The following CHRNB3 variants were observed in gnomAD, a reference collection of about 807,000 sequenced individuals.
CHRNB3 encodes cholinergic receptor nicotinic beta 3 subunit.
A neutral mutation model predicts 40.6 loss-of-function variants in CHRNB3; 37 were observed. The ratio of observed to expected loss-of-function variants is 0.91; its 90% CI spans 0.70 to 1.20. The LOEUF is 1.20. Ranked by LOEUF, CHRNB3 falls within the 50% of genes most tolerant of loss-of-function variation. The probability of loss-of-function intolerance (pLI) is 0.00; values close to 1 mark genes in which losing one functional copy is unlikely to be tolerated. For synonymous variants in CHRNB3, 207 were observed against 207.1 expected (o/e 1.00, Z 0.00); for missense variants, 505 against 551.2 (o/e 0.92, Z 0.84).
intron 3 of CHRNB3, among the ~76,000 whole-genome samples, chr8:42,722,884 G>A (rs1356638730): frequency 6.6e-6 from 1 of 152,048 alleles, no homozygotes; most frequent in Admixed American, 6.6e-5. Flanking sequence ...TTGGGGGAGG[G>A]ATGGCTTTAA....
At chr8:42,712,376 A>T (rs1816030987) in intron 3 of CHRNB3, among the ~76,000 whole-genome samples, 1 of 152,154 alleles carries the variant, frequency 6.6e-6, no homozygotes, top group African/African-American at 2.4e-5. Flanking sequence ...AATGCTTTAT[A>T]AGGAGCAATG....
chr8:42,733,597 T>A (rs1007865725), intron 5 of CHRNB3, among the ~76,000 whole-genome samples: 3 of 5,800 alleles, frequency 5.2e-4, no homozygotes, highest in African/African-American at 1.0e-3. Context: ...TTCTTCTTTT[T>A]TTTTTTTTTT....
chr8:42,720,044 T>C (rs62518197), intron 3 of CHRNB3, among the ~76,000 whole-genome samples: 8,608 of 148,022 alleles, frequency 0.058, 319 homozygotes, highest in Middle Eastern at 0.11. Context: ...CCAGCACCTT[T>C]CCACAGGCAG....
chr8:42,730,677 G>A lies in CHRNB3; in HGVS notation c.333G>A (p.Trp111Ter). Residue 111 changes from tryptophan (W) to a stop codon, truncating the protein, a stop_gained, in exon 4 of 6, where the codon TGG (tryptophan) becomes TGA (stop). Coordinates refer to ENST00000289957, the MANE Select transcript of CHRNB3 (RefSeq NM_000749.5). LOFTEE classifies it high-confidence loss of function. ...HSIKVPSESL[W>*]LPDIVLFENA... ...TTAAAGTTCCATCAGAATCTCTGTG[G>A]CTTCCTGACATAGTTCTCTTTGAAA... The A allele has an allele frequency of 6.2e-7, 1 of 1,605,078 alleles. No homozygotes were observed.
intron 3 of CHRNB3, chr8:42,726,318 C>T: frequency 1.8e-6 from 1 of 557,806 alleles, no homozygotes; most frequent in East Asian, 2.9e-5. Flanking sequence ...AAATAAAACG[C>T]TCCACTTGCA....
intron 3 of CHRNB3, chr8:42,726,178 C>A (rs1586406768): frequency 7.9e-7 from 1 of 1,268,750 alleles, no homozygotes; most frequent in Non-Finnish European, 1.1e-6. Context: ...TCCTCATTTT[C>A]AGGAGATTTT....
At chr8:42,734,760 G>A (rs889640061) in intron 5 of CHRNB3, among the ~76,000 whole-genome samples, 13 of 151,766 alleles carry the variant, frequency 8.6e-5, no homozygotes, top group Non-Finnish European at 1.2e-4. Flanking sequence ...TTTCTCTTGC[G>A]TTCACAGACA....
At position 42,728,861 on chromosome 8, in the gene CHRNB3, G is replaced by A. The variant is rs181818299; in HGVS notation, c.250-1733G>A. On this transcript the variant is annotated intron_variant, in intron 3 of 5. Transcript: ENST00000289957. ...TAAATTTTTACGAAGTGCATAAAGT[G>A]GAATTGAAACAAACCACAAATGCTA... is the stretch of plus-strand genomic sequence containing the variant. Among the ~76,000 whole-genome samples, 127 of 152,220 alleles carry A rather than the reference G, an allele frequency of 8.3e-4. 6 individuals carry two copies. In the South Asian group the frequency reaches 0.026, roughly 31 times the overall value.
intron 1 of CHRNB3, chr8:42,699,589 T>A (rs893840674): frequency 1.3e-5 from 2 of 152,140 alleles, no homozygotes; most frequent in Non-Finnish European, 2.9e-5. Flanking sequence ...TGAAACTCCG[T>A]TTCTACTAAA....
In CHRNB3 at chr8:42,730,592, A is replaced by G. The variant is rs899994444; in HGVS notation, c.250-2A>G. ...AAATCACAGTGTACTAATTTCATGC[A>G]GGAATGGACAGACCACAAGTTACGC... On this transcript the variant is annotated splice_acceptor_variant, in intron 3 of 5. Coordinates refer to ENST00000289957, the MANE Select transcript of CHRNB3 (RefSeq NM_000749.5). LOFTEE classifies it high-confidence loss of function. 2 of 1,551,628 alleles carry G rather than the reference A, an allele frequency of 1.3e-6. No individual in the cohort carries two copies. The highest frequency in any genetic ancestry group is 1.2e-5 in the South Asian group (1 of 83,652).
At chr8:42,718,535 T>C (rs1816160249) in intron 3 of CHRNB3, among the ~76,000 whole-genome samples, 1 of 151,878 alleles carries the variant, frequency 6.6e-6, no homozygotes, top group African/African-American at 2.4e-5. Flanking sequence ...TAGCCGGGCA[T>C]GGTGGCAGGT....
At chr8:42,729,387 G>A (rs572279433) in intron 3 of CHRNB3, among the ~76,000 whole-genome samples, 4 of 152,202 alleles carry the variant, frequency 2.6e-5, no homozygotes, top group Admixed American at 2.6e-4. Context: ...TCCAGCCTGG[G>A]CAACAGAGCG....
At chr8:42,727,268 G>A (rs889646311) in intron 3 of CHRNB3, among the ~76,000 whole-genome samples, 1 of 151,628 alleles carries the variant, frequency 6.6e-6, no homozygotes, top group African/African-American at 2.4e-5. Context: ...AGCTACTTGG[G>A]AGGCTGAAGC....
chr8:42,721,106 G>T (rs1226997138), intron 3 of CHRNB3, among the ~76,000 whole-genome samples: 2 of 152,234 alleles, frequency 1.3e-5, no homozygotes, highest in African/African-American at 4.8e-5. Context: ...TGTCCCCAGT[G>T]CTCTTAGCTA....
At chr8:42,712,478 T>C (rs980888423) in intron 3 of CHRNB3, among the ~76,000 whole-genome samples, 5 of 152,212 alleles carry the variant, frequency 3.3e-5, no homozygotes, top group African/African-American at 1.2e-4. Context: ...TAGAGAACTA[T>C]CATGATTTTC....
chr8:42,720,111 C>CTTTTTTTTTTTTT lies in CHRNB3; in HGVS notation c.249+9699_249+9711dup, dbSNP rs869178430. 8.2e-5 allele frequency among the ~76,000 whole-genome samples: 4 copies of CTTTTTTTTTTTTT among 48,810 alleles called. 1 individual carries two copies. The highest frequency in any genetic ancestry group is 1.1e-4 in the Non-Finnish European group (3 of 27,530). 32.0% of individuals were successfully genotyped at this position (48,810 alleles called of 152,430 possible). On this transcript the variant is annotated intron_variant, in intron 3 of 5. Transcript: ENST00000289957. Reference sequence around the variant, plus strand: ...CAACCCTGCCCCACTCAGAAGCCTTCTTTTTTTTTTTTTTTTTTTTTTTTT... The same window carrying CTTTTTTTTTTTTT: ...CAACCCTGCCCCACTCAGAAGCCTTCTTTTTTTTTTTTTTTTTTTTTTTTTTTTTTTTTTTTTT...
intron 1 of CHRNB3, chr8:42,705,951 GGAGT>G (rs1815916285): frequency 6.6e-6 from 1 of 152,300 alleles, no homozygotes; most frequent in Non-Finnish European, 1.5e-5. Context: ...CGGGAATACA[GGAGT>G]GAGGAAGACA....
chr8:42,705,281 G>T (rs933408700), intron 1 of CHRNB3, among the ~76,000 whole-genome samples: 34 of 152,250 alleles, frequency 2.2e-4, no homozygotes, highest in African/African-American at 7.5e-4. Context: ...CTGTTGCCAA[G>T]GAAAAGGGGG....
At chr8:42,728,397 C>A (rs1816345378) in intron 3 of CHRNB3, among the ~76,000 whole-genome samples, 1 of 151,996 alleles carries the variant, frequency 6.6e-6, no homozygotes, top group Non-Finnish European at 1.5e-5. Flanking sequence ...GTGGTATACA[C>A]CTGTGGTCCC....
Sources: gnomAD v4.1 joint callset for allele counts (sites outside exome capture counted in the v4.1 genomes callset) on GRCh38, gnomAD v4.1.1 for gene constraint, MANE v1.5 for transcripts, NCBI Gene and HGNC (gene_info 2026-07-23, HGNC 2026-07-21) for gene names.